SPDEF: variants seen among roughly 807,000 people sequenced by gnomAD.
SPDEF encodes SAM pointed domain-containing Ets transcription factor.
In SPDEF, 12 loss-of-function variants were observed where a neutral mutation model predicts 36.0. The observed-to-expected ratio is 0.33, with a 90% CI of 0.21 to 0.54. The LOEUF is 0.54. SPDEF is among the 20% of genes least tolerant of loss of function. The probability of loss-of-function intolerance (pLI) is 0.93; values close to 1 mark genes in which losing one functional copy is unlikely to be tolerated. For missense variants in SPDEF, 388 were observed against 456.9 expected (o/e 0.85, Z 1.37); for synonymous variants, 205 against 193.0 (o/e 1.06, Z -0.51).
rs1296388406 is a variant in SPDEF, at chr6:34,552,095, T to G, written c.-30+3834A>C. Among the ~76,000 whole-genome samples the G allele has an allele frequency of 6.6e-6, 1 of 152,184 alleles. No individual in the cohort carries two copies. Among genetic ancestry groups the G allele is most frequent in the African/African-American group, 2.4e-5 (1 of 41,438 alleles). On this transcript the variant is annotated intron_variant, in intron 1 of 5. Transcript: ENST00000374037. The surrounding 1 kb of genome is among the most constrained non-coding windows in gnomAD (Gnocchi z 4.6). ...CCTGCACATCCCCGCTTTGCCATGATGCAGCCCGGGTCACATGGCTGCCCC... is the reference window on the plus strand; with the variant it reads ...CCTGCACATCCCCGCTTTGCCATGAGGCAGCCCGGGTCACATGGCTGCCCC...
chr6:34,548,993 C>G (rs1283529538), intron 1 of SPDEF, among the ~76,000 whole-genome samples: 1 of 152,216 alleles, frequency 6.6e-6, no homozygotes, highest in African/African-American at 2.4e-5. Context: ...ACACTCAGGC[C>G]ACTGCTCCGT....
intron 3 of SPDEF, among the ~76,000 whole-genome samples, chr6:34,540,424 A>G (rs1177633012): frequency 2.0e-5 from 3 of 151,758 alleles, no homozygotes; most frequent in East Asian, 1.9e-4. Context: ...AAAAAAAAAA[A>G]GAATAAGAAC....
At chr6:34,541,628 C>G (rs931963437) in intron 2 of SPDEF, among the ~76,000 whole-genome samples, 1 of 152,228 alleles carries the variant, frequency 6.6e-6, no homozygotes, top group Admixed American at 6.5e-5. Context: ...AGAACCCCAC[C>G]ATTCTCTCCA....
At chr6:34,545,715 G>A (rs1767937974) in intron 1 of SPDEF, among the ~76,000 whole-genome samples, 1 of 152,170 alleles carries the variant, frequency 6.6e-6, no homozygotes, top group African/African-American at 2.4e-5. Context: ...TTCGAGACCA[G>A]CCTGGCCAAC....
chr6:34,543,099 G>A (rs1480034084), intron 2 of SPDEF, among the ~76,000 whole-genome samples: 3 of 144,654 alleles, frequency 2.1e-5, no homozygotes, highest in Non-Finnish European at 3.0e-5. Context: ...GGCTGAGGCA[G>A]GAGAATGGCT....
In SPDEF at chr6:34,555,056, A is replaced by ACG. The variant is rs1243853613; in HGVS notation, c.-30+871_-30+872dup. Among the ~76,000 whole-genome samples the ACG allele has an allele frequency of 1.3e-5, 2 of 151,932 alleles. No homozygotes were observed. Among genetic ancestry groups the ACG allele is most frequent in the African/African-American group, 4.8e-5 (2 of 41,336 alleles). Reference sequence around the variant, plus strand: ...CTGCCCCTCCCCAACATGCACACACACGCACACACACATGCACATGCAACA... The same window carrying ACG: ...CTGCCCCTCCCCAACATGCACACACACGCGCACACACACATGCACATGCAACA... On this transcript the variant is annotated intron_variant, in intron 1 of 5. Coordinates refer to ENST00000374037, the MANE Select transcript of SPDEF (RefSeq NM_012391.3). The surrounding 1 kb of genome is among the most constrained non-coding windows in gnomAD (Gnocchi z 5.2).
chr6:34,539,157 GC>G lies in SPDEF; in HGVS notation c.829+92del. Reference sequence around the variant, plus strand: ...AGGTGGGGATCAGCTTCACCCCTCTGCCCGCCCCTGCCCCCATGCACCGTGC... The same window carrying G: ...AGGTGGGGATCAGCTTCACCCCTCTGCCGCCCCTGCCCCCATGCACCGTGC... On this transcript the variant is annotated intron_variant, in intron 5 of 5. Coordinates refer to ENST00000374037, the MANE Select transcript of SPDEF (RefSeq NM_012391.3). The surrounding 1 kb of genome is among the most constrained non-coding windows in gnomAD (Gnocchi z 5.2). 2.1e-6 allele frequency: 3 copies of G among 1,452,014 alleles called. No individual in the cohort carries two copies. The highest frequency in any genetic ancestry group is 2.8e-6 in the Non-Finnish European group (3 of 1,062,396). The allele number at this position is 1,452,014 out of a possible 1,614,324, so 89.9% of individuals were successfully genotyped here.
intron 2 of SPDEF, among the ~76,000 whole-genome samples, chr6:34,543,390 G>A (rs554614298): frequency 2.6e-5 from 4 of 152,256 alleles, no homozygotes; most frequent in Admixed American, 6.5e-5. Flanking sequence ...GAGAGTGAGC[G>A]AGATCAACAG....
At chr6:34,541,458 C>T (rs1336187129) in intron 2 of SPDEF, among the ~76,000 whole-genome samples, 2 of 152,174 alleles carry the variant, frequency 1.3e-5, no homozygotes, top group Non-Finnish European at 2.9e-5. Context: ...TGGGTCCTCC[C>T]AGATCCCTCC....
At position 34,539,612 on chromosome 6, in the gene SPDEF, G is replaced by A. The variant is rs1767775522; in HGVS notation, c.635-50C>T. 2.6e-6 allele frequency: 4 copies of A among 1,544,792 alleles called. No homozygotes were observed. The highest frequency in any genetic ancestry group is 3.5e-6 in the Non-Finnish European group (4 of 1,143,092). On this transcript the variant is annotated intron_variant, in intron 3 of 5. Coordinates refer to ENST00000374037, the MANE Select transcript of SPDEF (RefSeq NM_012391.3). The surrounding 1 kb of genome is among the most constrained non-coding windows in gnomAD (Gnocchi z 5.2). ...GGGACCCAGGAGAGGCCCCGAGGGTGGAGGAGGGGAGGCGTTTGGGTGGGA... is the reference window on the plus strand; with the variant it reads ...GGGACCCAGGAGAGGCCCCGAGGGTAGAGGAGGGGAGGCGTTTGGGTGGGA...
rs542928623 is a variant in SPDEF at position 34,555,134 on chromosome 6, G to A, written c.-30+795C>T. Among the ~76,000 whole-genome samples the A allele has an allele frequency of 1.3e-5, 2 of 151,716 alleles. No homozygotes were observed. The highest frequency in any genetic ancestry group is 3.9e-4 in the East Asian group (2 of 5,164). On this transcript the variant is annotated intron_variant, in intron 1 of 5. Coordinates refer to ENST00000374037, the MANE Select transcript of SPDEF (RefSeq NM_012391.3). The surrounding 1 kb of genome is among the most constrained non-coding windows in gnomAD (Gnocchi z 5.2). ...CACACATACTTCCGCGCACACACAC[G>A]CACGCACACACCTCCACCAGCCTCA...
Position 34,544,415 on chromosome 6 carries a change from C to A in SPDEF, c.41G>T (p.Ser14Ile). Residue 14 changes from serine to isoleucine, a missense_variant, in exon 2 of 6, where the codon AGC becomes ATC. Physicochemically the swap from Ser to Ile is moderately radical, Grantham distance 142. Transcript: ENST00000374037. This position sits in a 1 kb window ranked among gnomAD's most constrained non-coding sequence, Gnocchi z 4.4. ...ASPGLSSVSPSHLLLPPDTVS... is the reference protein window; with the variant it reads ...ASPGLSSVSPIHLLLPPDTVS... ...CGTGTCGGGGGGCAGCAGGAGGTGG[C>A]TGGGGGATACGCTGCTCAGACCCGG... 6.3e-7 allele frequency: 1 copy of A among 1,585,316 alleles called. No individual in the cohort carries two copies. Among genetic ancestry groups the A allele is most frequent in the Non-Finnish European group, 8.6e-7 (1 of 1,163,844 alleles).
chr6:34,549,612 C>T (rs377421490), intron 1 of SPDEF, among the ~76,000 whole-genome samples: 1 of 152,186 alleles, frequency 6.6e-6, no homozygotes, highest in Non-Finnish European at 1.5e-5. Flanking sequence ...GGTCGCTGTG[C>T]GGGTTGGAGC....
intron 1 of SPDEF, among the ~76,000 whole-genome samples, chr6:34,546,341 C>T (rs540120706): frequency 1.3e-5 from 2 of 152,166 alleles, no homozygotes; most frequent in Non-Finnish European, 2.9e-5. Context: ...TCCTCTCTAA[C>T]AGTGACATTT....
chr6:34,543,781 C>T (rs1767879885), intron 2 of SPDEF, among the ~76,000 whole-genome samples: 1 of 152,198 alleles, frequency 6.6e-6, no homozygotes, highest in Non-Finnish European at 1.5e-5. Context: ...GAATTCATAT[C>T]ATCCAGCACC....
Position 34,539,581 on chromosome 6 carries a change from G to T in SPDEF, c.635-19C>A. The T allele has an allele frequency of 6.4e-7, 1 of 1,561,192 alleles. No individual in the cohort carries two copies. The highest frequency in any genetic ancestry group is 8.7e-7 in the Non-Finnish European group (1 of 1,153,464). On this transcript the variant is annotated intron_variant, in intron 3 of 5. Coordinates refer to ENST00000374037, the MANE Select transcript of SPDEF (RefSeq NM_012391.3). This position sits in a 1 kb window ranked among gnomAD's most constrained non-coding sequence, Gnocchi z 5.2. ...CAGGCCGCTGCAGGGCAAGGAGAGG[G>T]GGTTGGGGACCCAGGAGAGGCCCCG...
At chr6:34,549,019 G>T (rs1026863333) in intron 1 of SPDEF, among the ~76,000 whole-genome samples, 1 of 152,218 alleles carries the variant, frequency 6.6e-6, no homozygotes, top group Non-Finnish European at 1.5e-5. Flanking sequence ...AAGGGTCCTG[G>T]GACGTGCCAG....
In SPDEF at chr6:34,544,029, T is replaced by C. The variant is rs151017071; in HGVS notation, c.427A>G (p.Ile143Val). ...DIETACKLLN[I>V]TADPMDWSPS... ...CATGGAGAGGGCTCACCTGCGGTGATGTTGAGCAGCTTGCAGGCCGTCTCG... is the reference window on the plus strand; with the variant it reads ...CATGGAGAGGGCTCACCTGCGGTGACGTTGAGCAGCTTGCAGGCCGTCTCG... The change falls in exon 2 of 6, where the codon ATC becomes GTC. Residue 143 changes from isoleucine (I) to valine (V), a missense_variant. Physicochemically the swap from Ile to Val is conservative, Grantham distance 29 (BLOSUM62 3). Around this residue, in one of 2 missense-constraint regions of SPDEF, gnomAD observed 308 missense variants for 326.1 expected, o/e 0.94. Coordinates refer to ENST00000374037, the MANE Select transcript of SPDEF (RefSeq NM_012391.3). This position sits in a 1 kb window ranked among gnomAD's most constrained non-coding sequence, Gnocchi z 4.4. 3.1e-4 allele frequency: 498 copies of C among 1,610,604 alleles called. No individual in the cohort carries two copies. Among genetic ancestry groups the C allele is most frequent in the Non-Finnish European group, 4.0e-4 (471 of 1,178,898 alleles).
chr6:34,549,193 G>A (rs1016234384), intron 1 of SPDEF, among the ~76,000 whole-genome samples: 13 of 152,028 alleles, frequency 8.6e-5, no homozygotes, highest in African/African-American at 2.9e-4. Flanking sequence ...GGCTCAGCGT[G>A]TCCTGGCTCC....
Sources: allele counts gnomAD v4.1 joint callset (sites outside exome capture counted in the v4.1 genomes callset), GRCh38; gene constraint gnomAD v4.1.1; regional missense constraint gnomAD v4.1.1; non-coding constraint Gnocchi (gnomAD v3.1); transcripts MANE v1.5; gene names NCBI Gene and HGNC (gene_info 2026-07-23, HGNC 2026-07-21).